The following SYCP1 variants were observed in gnomAD, a reference collection of about 807,000 sequenced individuals.
SYCP1 encodes the protein synaptonemal complex protein 1, also known as cancer/testis antigen 8.
In SYCP1, 64 loss-of-function variants were observed where a neutral mutation model predicts 153.1. The ratio of observed to expected loss-of-function variants is 0.42; its 90% confidence interval spans 0.34 to 0.51. The LOEUF (loss-of-function observed/expected upper bound fraction) is 0.51. SYCP1 is among the 20% of genes least tolerant of loss of function. The probability of loss-of-function intolerance (pLI) is 0.06; values close to 1 mark genes in which losing one functional copy is unlikely to be tolerated. For missense variants in SYCP1, 997 were observed against 1,049.0 expected, an observed-to-expected ratio of 0.95 and a Z score of 0.68; for synonymous variants, 384 against 341.8, an observed-to-expected ratio of 1.12 and a Z score of -1.36.
At chr1:114,926,365 C>T in intron 22 of SYCP1, 25 bp downstream of exon 22, 2 of 1,513,288 alleles carry the variant, frequency 1.3e-6, no homozygotes, top group Non-Finnish European at 1.8e-6. Flanking sequence ...TAAATATTCT[C>T]AAAATCAAAC....
intron 24 of SYCP1, 99 bp from the exon 25 acceptor site, chr1:114,944,773 T>C: frequency 2.3e-6 from 2 of 882,816 alleles, no homozygotes; most frequent in Non-Finnish European, 3.5e-6. Flanking sequence ...TCCTGGTGTT[T>C]GAGGTTTGCT....
chr1:114,913,283 T>C, intron 19 of SYCP1, 133 bp downstream of exon 19: 1 of 675,676 alleles, frequency 1.5e-6, no homozygotes, highest in Non-Finnish European at 2.5e-6. Flanking sequence ...AGCAGAAAAA[T>C]ATGCATATTG....
chr1:114,931,115 T>C (rs954791926), intron 23 of SYCP1, among the ~76,000 whole-genome samples: 3 of 151,920 alleles, frequency 2.0e-5, no homozygotes, highest in Non-Finnish European at 2.9e-5. Context: ...AAACTAGGAA[T>C]AGATAAGGAC....
At chr1:114,881,187 A>G (rs1665900280) in intron 12 of SYCP1, among the ~76,000 whole-genome samples, 1 of 152,102 alleles carries the variant, frequency 6.6e-6, no homozygotes, top group Non-Finnish European at 1.5e-5. Flanking sequence ...AGTTCTATAG[A>G]TGGAACATTA....
chr1:114,973,267 C>T (rs1672603714), intron 27 of SYCP1, among the ~76,000 whole-genome samples: 1 of 152,000 alleles, frequency 6.6e-6, no homozygotes, highest in African/African-American at 2.4e-5. Flanking sequence ...TATCTTTTGA[C>T]TTTATGTCTA....
intron 16 of SYCP1, among the ~76,000 whole-genome samples, chr1:114,909,495 T>TAAACACACACACACAC (rs375177810): frequency 1.9e-5 from 2 of 106,462 alleles, no homozygotes; most frequent in African/African-American, 7.4e-5. Flanking sequence ...TCCCTTGCTG[T>TAAACACACACACACAC]ACACACACAC....
intron 23 of SYCP1, among the ~76,000 whole-genome samples, chr1:114,937,457 G>C (rs2101791940): frequency 6.6e-6 from 1 of 152,294 alleles, no homozygotes; most frequent in Middle Eastern, 3.4e-3. Flanking sequence ...AGAAAACCTA[G>C]GCGATACCAT....
intron 17 of SYCP1, among the ~76,000 whole-genome samples, 199 bp downstream of exon 17, chr1:114,910,700 A>T (rs2101668986): frequency 6.6e-6 from 1 of 152,326 alleles, no homozygotes; most frequent in Non-Finnish European, 1.5e-5. Flanking sequence ...AAAGATCAGC[A>T]TTTAAAAGAT....
At chr1:114,889,209 G>A (rs1251860031) in intron 15 of SYCP1, among the ~76,000 whole-genome samples, 2 of 152,064 alleles carry the variant, frequency 1.3e-5, no homozygotes, top group Non-Finnish European at 2.9e-5. Flanking sequence ...ATAATCCTTT[G>A]GGTATATACC....
At chr1:114,969,586 G>GGGGAT (rs1298273677) in intron 27 of SYCP1, among the ~76,000 whole-genome samples, 1 of 152,178 alleles carries the variant, frequency 6.6e-6, no homozygotes, top group Non-Finnish European at 1.5e-5. Flanking sequence ...TGGGCTCCAT[G>GGGGAT]GGGATGGGAT....
In SYCP1 at chr1:114,876,830, C is replaced by A. The variant is rs1301629848; in HGVS notation, c.801+20C>A. ...AAGCAGGTTTTTTAAAAAACCAACT[C>A]TTTGTATTCTTTATATTTGCTAATT... On this transcript the variant is annotated intron_variant, in intron 11 of 31. Transcript: ENST00000369522. 4 of 1,290,910 alleles carry A rather than the reference C, an allele frequency of 3.1e-6. No individual in the cohort carries two copies. In the African/African-American group the frequency reaches 6.2e-5, roughly 20 times the overall value. 80.0% of individuals were successfully genotyped at this position (1,290,910 alleles called of 1,614,324 possible). A position where few individuals can be genotyped will look rare whatever the true frequency, so the allele number is the denominator to read the frequency against.
intron 27 of SYCP1, among the ~76,000 whole-genome samples, chr1:114,950,850 C>T (rs1342835537): frequency 7.3e-5 from 3 of 41,272 alleles, no homozygotes; most frequent in African/African-American, 1.5e-4. Flanking sequence ...CAGAGTCTCA[C>T]GTCTCACTCT....
chr1:114,904,273 C>T (rs1017115277), intron 16 of SYCP1, among the ~76,000 whole-genome samples: 5 of 151,896 alleles, frequency 3.3e-5, no homozygotes, highest in East Asian at 3.9e-4. Flanking sequence ...CCCACCACCA[C>T]GCCTGGCTAC....
chr1:114,931,368 G>C (rs1248546512), intron 23 of SYCP1, among the ~76,000 whole-genome samples: 1 of 152,052 alleles, frequency 6.6e-6, no homozygotes, highest in African/African-American at 2.4e-5. Flanking sequence ...TACAAGATTA[G>C]TAAATGAATT....
chr1:114,949,894 C>T (rs761466163), intron 27 of SYCP1, among the ~76,000 whole-genome samples: 7 of 152,134 alleles, frequency 4.6e-5, no homozygotes, highest in Non-Finnish European at 1.0e-4. Context: ...CCTCCATTTA[C>T]ATCGTATTGT....
chr1:114,952,282 G>A (rs1018546001), intron 27 of SYCP1, among the ~76,000 whole-genome samples: 1 of 152,148 alleles, frequency 6.6e-6, no homozygotes, highest in Non-Finnish European at 1.5e-5. Flanking sequence ...CATAAGCACT[G>A]TATAAATGAT....
intron 17 of SYCP1, among the ~76,000 whole-genome samples, chr1:114,911,002 G>C (rs528660352): frequency 6.6e-6 from 1 of 152,078 alleles, no homozygotes; most frequent in African/African-American, 2.4e-5. Flanking sequence ...ACTTTTTATA[G>C]TGCTCATGTT....
chr1:114,912,153 T>G (rs2101676120), intron 18 of SYCP1, among the ~76,000 whole-genome samples: 1 of 152,058 alleles, frequency 6.6e-6, no homozygotes, highest in African/African-American at 2.4e-5. Context: ...TGCAGCATCC[T>G]CTCCCTTCCT....
intron 8 of SYCP1, among the ~76,000 whole-genome samples, chr1:114,874,103 C>G (rs1416592679): frequency 6.6e-6 from 1 of 152,164 alleles, no homozygotes; most frequent in Non-Finnish European, 1.5e-5. Context: ...TTCAGGTTTT[C>G]TTTCCCTGAC....
Sources: gnomAD v4.1 joint callset for allele counts (sites outside exome capture counted in the v4.1 genomes callset) on GRCh38, gnomAD v4.1.1 for gene constraint, MANE v1.5 for transcripts, NCBI Gene and HGNC (gene_info 2026-07-23, HGNC 2026-07-21) for gene names.